Variants in ANAPC16 observed in about 807,000 individuals in gnomAD.
ANAPC16 encodes the protein anaphase promoting complex subunit 16.
Under a neutral mutation model 13.1 loss-of-function variants are expected in ANAPC16, and 6 were observed. The ratio of observed to expected loss-of-function variants is 0.46; its 90% CI spans 0.25 to 0.90. The LOEUF (loss-of-function observed/expected upper bound fraction) is 0.90, where lower values mean the gene tolerates loss of function less well. ANAPC16 is among the 40% of genes least tolerant of loss of function. The pLI, the probability that ANAPC16 is intolerant of heterozygous loss-of-function variation, is 0.18. For missense variants in ANAPC16, 113 were observed against 131.1 expected, an observed-to-expected ratio of 0.86 and a Z score of 0.67; for synonymous variants, 55 against 51.3, an observed-to-expected ratio of 1.07 and a Z score of -0.31.
At chr10:72,222,202 G>A (rs1168255716) in intron 1 of ANAPC16, among the ~76,000 whole-genome samples, 3 of 140,934 alleles carry the variant, frequency 2.1e-5, no homozygotes, top group Non-Finnish European at 4.7e-5. Context: ...GGCAGATCAC[G>A]AGGTCAAGAG....
intron 2 of ANAPC16, among the ~76,000 whole-genome samples, chr10:72,228,620 C>G (rs1479684279): frequency 6.6e-6 from 1 of 152,176 alleles, no homozygotes; most frequent in Admixed American, 6.5e-5. Context: ...AGATTGCCCC[C>G]AGCTGACTCC....
chr10:72,228,918 G>C (rs1860207708), intron 2 of ANAPC16, among the ~76,000 whole-genome samples: 1 of 152,148 alleles, frequency 6.6e-6, no homozygotes, highest in Admixed American at 6.6e-5. Context: ...GGCACTTTCA[G>C]GAGCTTCCAT....
rs1297927196 is a variant in ANAPC16, at chr10:72,234,773, A to G, written c.*1657A>G. 2 of 152,206 alleles carry G rather than the reference A, an allele frequency of 1.3e-5. No individual in the cohort carries two copies. Among genetic ancestry groups the G allele is most frequent in the Non-Finnish European group, 2.9e-5 (2 of 68,034 alleles). The allele number at this position is 152,206 out of a possible 1,614,324, so 9.4% of individuals were successfully genotyped here. A position where few individuals can be genotyped will look rare whatever the true frequency, so the allele number is the denominator to read the frequency against. ...GCCCTGTGAAGTTAAACACCTGCTC[A>G]TGGTCACATAGCCCAGGCAGAAGAA... On this transcript the variant is annotated 3_prime_UTR_variant, in exon 4 of 4. Coordinates refer to ENST00000299381, the MANE Select transcript of ANAPC16 (RefSeq NM_173473.4).
chr10:72,228,797 G>C (rs1410252570), intron 2 of ANAPC16, among the ~76,000 whole-genome samples: 1 of 152,180 alleles, frequency 6.6e-6, no homozygotes, highest in Non-Finnish European at 1.5e-5. Context: ...CTTTTTGAAA[G>C]TTTAGCTTAT....
chr10:72,223,439 G>C (rs567311186), intron 1 of ANAPC16: 1 of 152,616 alleles, frequency 6.6e-6, no homozygotes, highest in South Asian at 2.1e-4. Context: ...ACAGAACACA[G>C]TGTTATTCTG....
Position 72,232,981 on chromosome 10 carries a change from C to T in ANAPC16, c.218-20C>T. 4 of 1,600,990 alleles carry T rather than the reference C, an allele frequency of 2.5e-6. No individual in the cohort carries two copies. Among genetic ancestry groups the T allele is most frequent in the Non-Finnish European group, 3.4e-6 (4 of 1,168,366 alleles). Reference sequence around the variant, plus strand: ...GGGTAATACGTTGTTGCATAATATTCTTTCCTTGACTCCTTACAGATCAGC... The same window carrying T: ...GGGTAATACGTTGTTGCATAATATTTTTTCCTTGACTCCTTACAGATCAGC... On this transcript the variant is annotated intron_variant, in intron 3 of 3. Coordinates refer to ENST00000299381, the MANE Select transcript of ANAPC16 (RefSeq NM_173473.4).
intron 3 of ANAPC16, among the ~76,000 whole-genome samples, 172 bp downstream of exon 3, chr10:72,230,612 G>T (rs191317067): frequency 6.6e-6 from 1 of 152,280 alleles, no homozygotes; most frequent in East Asian, 1.9e-4. Context: ...CTTAAGGTTG[G>T]GGCCGAGTGC....
intron 1 of ANAPC16, among the ~76,000 whole-genome samples, chr10:72,221,828 C>G (rs1320974954): frequency 6.7e-6 from 1 of 149,742 alleles, no homozygotes; most frequent in Non-Finnish European, 1.5e-5. Context: ...CTCCCAGGTT[C>G]AAGCGATTCT....
intron 1 of ANAPC16, 71 bp from the exon 2 acceptor site, chr10:72,223,817 A>T: frequency 8.1e-7 from 1 of 1,240,424 alleles, no homozygotes; most frequent in Non-Finnish European, 1.1e-6. Context: ...TGGCCCTTAC[A>T]GCAGCTAGAA....
chr10:72,232,859 C>A, intron 3 of ANAPC16, 142 bp from the exon 4 acceptor site: 1 of 648,614 alleles, frequency 1.5e-6, no homozygotes. Flanking sequence ...CCGCCTCGGC[C>A]TCCCAAAGTG....
At chr10:72,230,487 A>C in intron 3 of ANAPC16, 47 bp downstream of exon 3, 1 of 1,541,126 alleles carries the variant, frequency 6.5e-7, no homozygotes, top group Non-Finnish European at 9.0e-7. Context: ...TAAATTTGCT[A>C]GGGGGTGGAT....
chr10:72,224,688 T>A (rs1396740742), intron 2 of ANAPC16, among the ~76,000 whole-genome samples: 1 of 152,008 alleles, frequency 6.6e-6, no homozygotes, highest in Non-Finnish European at 1.5e-5. Context: ...TGCTTTATCC[T>A]GGCACCTGTC....
chr10:72,226,517 T>C (rs1472420102), intron 2 of ANAPC16, among the ~76,000 whole-genome samples: 3 of 150,982 alleles, frequency 2.0e-5, no homozygotes, highest in African/African-American at 4.9e-5. Flanking sequence ...CTAGAAAAAA[T>C]AGAAAATTAG....
Position 72,233,093 on chromosome 10 carries a change from G to A in ANAPC16, c.310G>A (p.Gly104Arg). Residue 104 changes from glycine to arginine, a missense_variant, in exon 4 of 4, where the codon GGA becomes AGA. Coordinates refer to ENST00000299381, the MANE Select transcript of ANAPC16 (RefSeq NM_173473.4). ...WRFKPIEQLLGFTPSSG is the reference protein window; with the variant it reads ...WRFKPIEQLLRFTPSSG ...GTTTAAGCCCATCGAGCAGCTGCTG[G>A]GATTCACCCCCTCTTCAGGTTGATA... 6.2e-7 allele frequency: 1 copy of A among 1,614,142 alleles called. No homozygotes were observed. Among genetic ancestry groups the A allele is most frequent in the Non-Finnish European group, 8.5e-7 (1 of 1,180,022 alleles).
chr10:72,226,723 G>A (rs1276215680), intron 2 of ANAPC16, among the ~76,000 whole-genome samples: 1 of 151,886 alleles, frequency 6.6e-6, no homozygotes, highest in African/African-American at 2.4e-5. Context: ...TGGGGGTGAT[G>A]AATAATCAGA....
In ANAPC16 at chr10:72,233,196, A is replaced by G. The variant is rs867702468; in HGVS notation, c.*80A>G. 9.8e-7 allele frequency: 1 copy of G among 1,023,330 alleles called. No homozygotes were observed. Among genetic ancestry groups the G allele is most frequent in the East Asian group, 2.5e-5 (1 of 40,606 alleles). 63.4% of individuals were successfully genotyped at this position (1,023,330 alleles called of 1,614,324 possible). Reference sequence around the variant, plus strand: ...TTTCTCACAGCTTACATAGCCATCCAGAGATCCACAGCTACGTCACTGAAT... The same window carrying G: ...TTTCTCACAGCTTACATAGCCATCCGGAGATCCACAGCTACGTCACTGAAT... On this transcript the variant is annotated 3_prime_UTR_variant, in exon 4 of 4. Coordinates refer to ENST00000299381, the MANE Select transcript of ANAPC16 (RefSeq NM_173473.4).
intron 2 of ANAPC16, 103 bp downstream of exon 2, chr10:72,224,159 A>G: frequency 3.3e-6 from 4 of 1,213,538 alleles, no homozygotes; most frequent in Non-Finnish European, 4.4e-6. Context: ...CCCTGATTTC[A>G]GCTCCACATT....
intron 1 of ANAPC16, among the ~76,000 whole-genome samples, chr10:72,221,533 C>T (rs959973964): frequency 2.0e-5 from 3 of 149,648 alleles, no homozygotes; most frequent in Non-Finnish European, 4.4e-5. Flanking sequence ...TGGCACTAGA[C>T]CATTTTTTCT....
rs530992242 is a variant in ANAPC16 at position 72,229,122 on chromosome 10, C to CT, written c.143-1234dup. ...ATAATGACTGCTGACATTCAAACCC[C>CT]TTTTTTTTTTGAGACTGAGTTTGAA... On this transcript the variant is annotated intron_variant, in intron 2 of 3. Coordinates refer to ENST00000299381, the MANE Select transcript of ANAPC16 (RefSeq NM_173473.4). Among the ~76,000 whole-genome samples, 472 of 147,078 alleles carry CT rather than the reference C, an allele frequency of 3.2e-3. 2 individuals are homozygous for CT. The highest frequency in any genetic ancestry group is 9.7e-3 in the African/African-American group (392 of 40,260).
Sources: gnomAD v4.1 joint callset for allele counts (sites outside exome capture counted in the v4.1 genomes callset) on GRCh38, gnomAD v4.1.1 for gene constraint, MANE v1.5 for transcripts, NCBI Gene and HGNC (gene_info 2026-07-23, HGNC 2026-07-21) for gene names.